The following RBMS3 variants were observed in gnomAD, a reference collection of about 807,000 sequenced individuals.
RBMS3 encodes the protein RNA binding motif single stranded interacting protein 3.
Under a neutral mutation model 66.8 loss-of-function variants are expected in RBMS3, and 27 were observed. The observed-to-expected ratio is 0.40, with a 90% CI of 0.30 to 0.56. The LOEUF (loss-of-function observed/expected upper bound fraction) is 0.56, where lower values mean the gene tolerates loss of function less well. Among genes scored for constraint, RBMS3 ranks in the 20% least tolerant of loss-of-function variants. RBMS3 has a pLI of 0.40. For synonymous variants in RBMS3, 188 were observed against 183.0 expected (o/e 1.03, Z -0.22); for missense variants, 513 against 549.5 (o/e 0.93, Z 0.66).
intron 12 of RBMS3, among the ~76,000 whole-genome samples, chr3:29,978,771 G>A (rs1418448711): frequency 1.3e-5 from 2 of 151,962 alleles, no homozygotes; most frequent in Non-Finnish European, 2.9e-5. Flanking sequence ...ATGATCAGAA[G>A]GAAGATCTTA....
At chr3:29,920,758 G>C (rs774600501) in intron 10 of RBMS3, among the ~76,000 whole-genome samples, 3 of 150,944 alleles carry the variant, frequency 2.0e-5, no homozygotes, top group Admixed American at 1.3e-4. Flanking sequence ...GGCAGATCTC[G>C]AGGTCAGGAG....
intron 1 of RBMS3, among the ~76,000 whole-genome samples, chr3:29,287,176 A>G (rs1439494281): frequency 1.3e-5 from 2 of 152,112 alleles, no homozygotes; most frequent in Admixed American, 6.6e-5. Flanking sequence ...TGCTTAGAAA[A>G]TATCCTCTCG....
At chr3:29,992,593 C>T (rs531371590) in intron 14 of RBMS3, among the ~76,000 whole-genome samples, 10 of 151,564 alleles carry the variant, frequency 6.6e-5, no homozygotes, top group African/African-American at 2.2e-4. Context: ...CAGAGCAAGA[C>T]TCCGTCTCAA....
chr3:29,982,080 A>C (rs959789279), intron 12 of RBMS3, among the ~76,000 whole-genome samples: 2 of 152,118 alleles, frequency 1.3e-5, no homozygotes, highest in African/African-American at 2.4e-5. Flanking sequence ...GTAGGCTATC[A>C]ATTACTGCCT....
intron 1 of RBMS3, among the ~76,000 whole-genome samples, chr3:29,348,601 C>T (rs2036722154): frequency 1.3e-5 from 2 of 151,270 alleles, no homozygotes; most frequent in Admixed American, 1.3e-4. Flanking sequence ...AATCAAAACA[C>T]TCTTTATGTT....
chr3:29,660,527 C>G (rs149231439), intron 4 of RBMS3, among the ~76,000 whole-genome samples: 1 of 152,130 alleles, frequency 6.6e-6, no homozygotes, highest in Non-Finnish European at 1.5e-5. Flanking sequence ...GTTACTGATA[C>G]GGAGAGACTT....
At chr3:29,818,583 T>C (rs1461899685) in intron 6 of RBMS3, among the ~76,000 whole-genome samples, 4 of 152,108 alleles carry the variant, frequency 2.6e-5, no homozygotes, top group Admixed American at 2.0e-4. Flanking sequence ...TATATATTTA[T>C]GAATACTATA....
chr3:29,498,584 A>G lies in RBMS3; in HGVS notation c.307+10085A>G, dbSNP rs78774050. On this transcript the variant is annotated intron_variant, in intron 3 of 14. Coordinates refer to ENST00000383767, the MANE Select transcript of RBMS3 (RefSeq NM_001003793.3). Reference sequence around the variant, plus strand: ...CAAAAATTTTCTAATTGAAGTCTATACCAAGAAATTCTCTAAGTTATGATC... The same window carrying G: ...CAAAAATTTTCTAATTGAAGTCTATGCCAAGAAATTCTCTAAGTTATGATC... Among the ~76,000 whole-genome samples, 279 of 152,344 alleles carry G rather than the reference A, an allele frequency of 1.8e-3. 8 individuals are homozygous for G. The East Asian group carries it at 0.041, about 23-fold the overall frequency.
chr3:29,919,657 A>G (rs2060719092), intron 10 of RBMS3, among the ~76,000 whole-genome samples: 1 of 152,204 alleles, frequency 6.6e-6, no homozygotes, highest in South Asian at 2.1e-4. Context: ...TTTTTGTTTT[A>G]ATACTTGGGA....
intron 10 of RBMS3, among the ~76,000 whole-genome samples, chr3:29,918,906 A>G (rs72848077): frequency 0.048 from 7,235 of 152,132 alleles, 600 homozygotes; most frequent in African/African-American, 0.17. Flanking sequence ...AGTTTCTTCT[A>G]AAGTAATAAT....
At chr3:29,984,829 T>C (rs1559862666) in intron 12 of RBMS3, among the ~76,000 whole-genome samples, 2 of 152,092 alleles carry the variant, frequency 1.3e-5, no homozygotes, top group Non-Finnish European at 2.9e-5. Context: ...ATGAGGTGTC[T>C]GCCAGTCAGG....
chr3:29,821,528 T>C (rs750237372), intron 6 of RBMS3, among the ~76,000 whole-genome samples: 3 of 152,142 alleles, frequency 2.0e-5, no homozygotes, highest in African/African-American at 2.4e-5. Flanking sequence ...AAAGAAACCA[T>C]ATAAAATTAG....
chr3:29,303,929 T>C (rs2033842139), intron 1 of RBMS3, among the ~76,000 whole-genome samples: 1 of 151,884 alleles, frequency 6.6e-6, no homozygotes, highest in Non-Finnish European at 1.5e-5. Context: ...ATGAGGAAGA[T>C]GCAAAAGCGG....
intron 6 of RBMS3, among the ~76,000 whole-genome samples, chr3:29,811,034 T>C (rs1404508726): frequency 1.3e-5 from 2 of 152,108 alleles, no homozygotes; most frequent in East Asian, 1.9e-4. Flanking sequence ...TTGTGGCATC[T>C]GATCCCAGCA....
intron 5 of RBMS3, among the ~76,000 whole-genome samples, chr3:29,759,335 A>C (rs770161580): frequency 6.2e-4 from 95 of 152,224 alleles, no homozygotes; most frequent in Non-Finnish European, 1.2e-3. Context: ...ATATTTAAAC[A>C]TCAGACCTAA....
chr3:29,349,582 A>G (rs1025997563), intron 1 of RBMS3, among the ~76,000 whole-genome samples: 1 of 152,176 alleles, frequency 6.6e-6, no homozygotes, highest in Admixed American at 6.5e-5. Flanking sequence ...GATCTTTAAC[A>G]CAAGTCCTTC....
chr3:29,340,548 T>C (rs2036223633), intron 1 of RBMS3, among the ~76,000 whole-genome samples: 1 of 152,162 alleles, frequency 6.6e-6, no homozygotes, highest in African/African-American at 2.4e-5. Context: ...ATATTCTTTA[T>C]AGCGTCAGTT....
chr3:29,491,147 C>T (rs982129800), intron 3 of RBMS3, among the ~76,000 whole-genome samples: 1 of 152,120 alleles, frequency 6.6e-6, no homozygotes, highest in African/African-American at 2.4e-5. Context: ...TAAAAATGGG[C>T]GGTCAGGGTC....
intron 1 of RBMS3, among the ~76,000 whole-genome samples, chr3:29,295,348 TATATATATACACACAC>T (rs2033181885): frequency 6.9e-6 from 1 of 144,956 alleles, no homozygotes; most frequent in South Asian, 2.2e-4. Flanking sequence ...TATATATACA[TATATATATACACACAC>T]ATATATATAT....
Sources: allele counts gnomAD v4.1 joint callset (sites outside exome capture counted in the v4.1 genomes callset), GRCh38; gene constraint gnomAD v4.1.1; transcripts MANE v1.5; gene names NCBI Gene and HGNC (gene_info 2026-07-23, HGNC 2026-07-21).